The following PSD3 variants were observed in gnomAD, a reference collection of about 807,000 sequenced individuals.
PSD3 encodes pleckstrin and Sec7 domain containing 3.
PSD3 carries 49 observed loss-of-function variants against 105.5 expected under a neutral mutation model. The observed-to-expected ratio is 0.46, with a 90% CI of 0.37 to 0.59. The LOEUF is 0.59. Ranked by LOEUF, PSD3 falls within the 20% of genes least tolerant of loss-of-function variation. PSD3 has a pLI of 0.00. For missense variants in PSD3, 1,561 were observed against 1,263.8 expected, an observed-to-expected ratio of 1.24 and a Z score of -3.57; for synonymous variants, 557 against 457.8, an observed-to-expected ratio of 1.22 and a Z score of -2.77.
intron 1 of PSD3, among the ~76,000 whole-genome samples, chr8:19,073,854 G>A (rs61154989): frequency 0.056 from 8,509 of 151,122 alleles, 795 homozygotes; most frequent in African/African-American, 0.19. Context: ...GCAGTGGTAG[G>A]ATCTCGGCTC....
chr8:18,626,946 C>T (rs879756695), intron 11 of PSD3, among the ~76,000 whole-genome samples: 6 of 151,940 alleles, frequency 3.9e-5, no homozygotes, highest in East Asian at 1.9e-4. Context: ...GGTCTTAAAG[C>T]GGGAAGCAAC....
intron 14 of PSD3, among the ~76,000 whole-genome samples, chr8:18,563,303 G>C (rs928442521): frequency 6.6e-6 from 1 of 152,046 alleles, no homozygotes; most frequent in Non-Finnish European, 1.5e-5. Flanking sequence ...CATAGTACCT[G>C]CTATACAGGA....
chr8:18,555,309 G>A (rs951062408), intron 15 of PSD3, among the ~76,000 whole-genome samples: 12 of 152,018 alleles, frequency 7.9e-5, no homozygotes, highest in African/African-American at 2.9e-4. Context: ...TAAATTTCAA[G>A]CCTGAGGAGG....
Position 18,765,440 on chromosome 8 carries a change from C to T in PSD3, c.2172+9G>A. 1 of 1,591,884 alleles carries T rather than the reference C, an allele frequency of 6.3e-7. No homozygotes were observed. Among genetic ancestry groups the T allele is most frequent in the Admixed American group, 1.7e-5 (1 of 59,974 alleles). On this transcript the variant is annotated intron_variant, in intron 9 of 15. Coordinates refer to ENST00000327040, the MANE Select transcript of PSD3 (RefSeq NM_015310.4). ...AGCATACACTAAAAACCAATAGTTC[C>T]ATGCTTACTTTCAGCAGATCCTTGG...
chr8:18,965,128 T>C (rs192396084), intron 1 of PSD3, among the ~76,000 whole-genome samples: 3 of 152,324 alleles, frequency 2.0e-5, no homozygotes, highest in Non-Finnish European at 4.4e-5. Flanking sequence ...ATTATATTTC[T>C]CCCATCTCAT....
At chr8:18,973,515 A>G (rs934285127) in intron 1 of PSD3, among the ~76,000 whole-genome samples, 4 of 152,062 alleles carry the variant, frequency 2.6e-5, no homozygotes, top group Non-Finnish European at 5.9e-5. Flanking sequence ...TTGGAAGAAC[A>G]CCAGTCCTAC....
chr8:18,822,811 A>G (rs964712454), intron 4 of PSD3, among the ~76,000 whole-genome samples: 3 of 152,190 alleles, frequency 2.0e-5, no homozygotes, highest in South Asian at 2.1e-4. Flanking sequence ...AACCCCATGT[A>G]CATCTCATCT....
chr8:18,527,425 T>C lies in PSD3; in HGVS notation c.*8318A>G, dbSNP rs1799469467. 2 of 152,738 alleles carry C rather than the reference T, an allele frequency of 1.3e-5. No homozygotes were observed. The highest frequency in any genetic ancestry group is 6.5e-5 in the Admixed American group (1 of 15,300). The allele number at this position is 152,738 out of a possible 1,614,324, so 9.5% of individuals were successfully genotyped here. A position where few individuals can be genotyped will look rare whatever the true frequency, so the allele number is the denominator to read the frequency against. On this transcript the variant is annotated 3_prime_UTR_variant, in exon 16 of 16. Transcript: ENST00000327040. ...TTACATAAAAACCATTTAAATGCAATAAATTTTGTTGCCGTAAAACAACAA... is the reference window on the plus strand; with the variant it reads ...TTACATAAAAACCATTTAAATGCAACAAATTTTGTTGCCGTAAAACAACAA...
At chr8:19,072,031 G>T (rs1207878496) in intron 1 of PSD3, among the ~76,000 whole-genome samples, 1 of 150,936 alleles carries the variant, frequency 6.6e-6, no homozygotes, top group Non-Finnish European at 1.5e-5. Flanking sequence ...TTTTAACCTT[G>T]TTAGAGGACC....
intron 1 of PSD3, among the ~76,000 whole-genome samples, chr8:18,944,917 T>C (rs1822768720): frequency 6.6e-6 from 1 of 152,186 alleles, no homozygotes; most frequent in South Asian, 2.1e-4. Flanking sequence ...TCTTATATTT[T>C]CCATCTGCCC....
At chr8:18,904,193 G>T (rs1251576763) in intron 2 of PSD3, among the ~76,000 whole-genome samples, 1 of 152,098 alleles carries the variant, frequency 6.6e-6, no homozygotes, top group East Asian at 1.9e-4. Flanking sequence ...GAGAGAGAAG[G>T]AGGTGCTAGG....
intron 4 of PSD3, among the ~76,000 whole-genome samples, chr8:18,843,356 G>C (rs1376846105): frequency 6.6e-6 from 1 of 150,454 alleles, no homozygotes; most frequent in African/African-American, 2.4e-5. Flanking sequence ...AAGAGTTATT[G>C]CTCTAGGTAG....
At chr8:18,973,491 G>A (rs1249710299) in intron 1 of PSD3, among the ~76,000 whole-genome samples, 2 of 152,118 alleles carry the variant, frequency 1.3e-5, no homozygotes, top group East Asian at 1.9e-4. Context: ...ACACTCTGGT[G>A]TCTCTTCCTC....
At chr8:19,055,262 CT>C (rs1345064853) in intron 1 of PSD3, among the ~76,000 whole-genome samples, 3 of 151,408 alleles carry the variant, frequency 2.0e-5, no homozygotes, top group Admixed American at 6.6e-5. Flanking sequence ...TTTATAGACT[CT>C]TTTTTTTTGG....
intron 11 of PSD3, among the ~76,000 whole-genome samples, chr8:18,607,758 T>C (rs1467404836): frequency 2.0e-5 from 3 of 150,388 alleles, no homozygotes; most frequent in African/African-American, 7.3e-5. Flanking sequence ...AATAAAGATG[T>C]ACCTATGACT....
At chr8:18,879,808 G>A (rs980367286) in intron 2 of PSD3, among the ~76,000 whole-genome samples, 15 of 143,312 alleles carry the variant, frequency 1.0e-4, no homozygotes. Context: ...ATGTTGCCCA[G>A]ACTGGTCTCG....
chr8:18,587,479 G>A (rs1234755293), intron 12 of PSD3, among the ~76,000 whole-genome samples: 1 of 152,088 alleles, frequency 6.6e-6, no homozygotes, highest in African/African-American at 2.4e-5. Context: ...TAATGCAAAT[G>A]TAAAAAGTAG....
chr8:18,891,745 G>A (rs1818794212), intron 2 of PSD3, among the ~76,000 whole-genome samples: 1 of 152,044 alleles, frequency 6.6e-6, no homozygotes, highest in Non-Finnish European at 1.5e-5. Flanking sequence ...GTTATTTCAA[G>A]CTCATATGTT....
chr8:18,600,358 T>A lies in PSD3; in HGVS notation c.2481+6A>T, dbSNP rs375287255. ...TTTGTGGATTTTTTATCTGCTTTAC[T>A]TTTACCTTTTGCAAGTAAAGAACTG... On this transcript the variant is annotated splice_donor_region_variant and intron_variant, in intron 12 of 15. Coordinates refer to ENST00000327040, the MANE Select transcript of PSD3 (RefSeq NM_015310.4). The A allele has an allele frequency of 2.3e-5, 37 of 1,608,420 alleles. No individual in the cohort carries two copies. The South Asian group carries it at 3.0e-4, about 13-fold the overall frequency.
Sources: gnomAD v4.1 joint callset for allele counts (sites outside exome capture counted in the v4.1 genomes callset) on GRCh38, gnomAD v4.1.1 for gene constraint, MANE v1.5 for transcripts, NCBI Gene and HGNC (gene_info 2026-07-23, HGNC 2026-07-21) for gene names.